Variants in MED13L observed in about 807,000 individuals in gnomAD.
The protein encoded by MED13L is mediator complex subunit 13L.
A neutral mutation model predicts 220.9 loss-of-function variants in MED13L; 7 were observed. The ratio of observed to expected loss-of-function variants is 0.03; its 90% CI spans 0.02 to 0.06. The LOEUF (loss-of-function observed/expected upper bound fraction) is 0.06, where lower values mean the gene tolerates loss of function less well. Among genes scored for constraint, MED13L ranks in the 10% least tolerant of loss-of-function variants. The pLI, the probability that MED13L is intolerant of heterozygous loss-of-function variation, is 1.00. For missense variants in MED13L, 1,965 were observed against 2,760.5 expected (o/e 0.71, Z 6.46); for synonymous variants, 1,011 against 1,015.2 (o/e 1.00, Z 0.08).
intron 4 of MED13L, among the ~76,000 whole-genome samples, chr12:116,075,298 A>G (rs1870693728): frequency 6.6e-6 from 1 of 152,156 alleles, no homozygotes; most frequent in South Asian, 2.1e-4. Flanking sequence ...TCCTTTAACT[A>G]AAATTAGGAG....
chr12:116,081,723 C>G (rs1593021500), intron 4 of MED13L, among the ~76,000 whole-genome samples: 1 of 152,174 alleles, frequency 6.6e-6, no homozygotes, highest in East Asian at 1.9e-4. Flanking sequence ...AAAAATTAGC[C>G]AGACATGGTG....
At chr12:116,157,017 A>G (rs1286685897) in intron 2 of MED13L, among the ~76,000 whole-genome samples, 1 of 152,154 alleles carries the variant, frequency 6.6e-6, no homozygotes, top group Non-Finnish European at 1.5e-5. Context: ...AGCGAGAGAG[A>G]AGGAGAGAAA....
intron 8 of MED13L, among the ~76,000 whole-genome samples, chr12:116,014,698 A>T (rs1441424534): frequency 6.6e-6 from 1 of 152,156 alleles, no homozygotes; most frequent in Non-Finnish European, 1.5e-5. Context: ...GTTAATTACA[A>T]CTAAGGCCTG....
At chr12:116,273,518 C>T (rs1873564131) in intron 1 of MED13L, among the ~76,000 whole-genome samples, 3 of 151,392 alleles carry the variant, frequency 2.0e-5, no homozygotes, top group African/African-American at 7.3e-5. Flanking sequence ...AGACTTTCTA[C>T]ATTTACAACT....
At chr12:116,023,414 G>A (rs1466432348) in intron 4 of MED13L, among the ~76,000 whole-genome samples, 1 of 152,086 alleles carries the variant, frequency 6.6e-6, no homozygotes. Context: ...CATCTCGTAA[G>A]AACATTTTCC....
intron 2 of MED13L, among the ~76,000 whole-genome samples, chr12:116,137,504 C>T (rs1301763922): frequency 2.6e-5 from 4 of 151,988 alleles, no homozygotes; most frequent in South Asian, 2.1e-4. Context: ...AAAGTATGGG[C>T]CTTTGGAAAC....
chr12:116,162,662 T>C (rs1176482469), intron 2 of MED13L, among the ~76,000 whole-genome samples: 1 of 152,228 alleles, frequency 6.6e-6, no homozygotes, highest in African/African-American at 2.4e-5. Flanking sequence ...ACAGTAACTA[T>C]AAAATTACTT....
chr12:116,141,946 C>T (rs952146841), intron 2 of MED13L, among the ~76,000 whole-genome samples: 7 of 152,104 alleles, frequency 4.6e-5, no homozygotes, highest in African/African-American at 1.7e-4. Flanking sequence ...TCCCCTTGCC[C>T]ACACCACTTG....
chr12:116,147,190 T>C (rs1449010682), intron 2 of MED13L, among the ~76,000 whole-genome samples: 2 of 152,220 alleles, frequency 1.3e-5, no homozygotes, highest in East Asian at 1.9e-4. Context: ...TATGAAAAGA[T>C]AGTCAAGCTT....
intron 2 of MED13L, among the ~76,000 whole-genome samples, chr12:116,188,045 T>A (rs1881011666): frequency 2.0e-5 from 3 of 152,108 alleles, no homozygotes; most frequent in Non-Finnish European, 2.9e-5. Context: ...GATTTATTTG[T>A]GGTTTTTCAG....
intron 2 of MED13L, among the ~76,000 whole-genome samples, chr12:116,133,898 T>C (rs2138015828): frequency 6.6e-6 from 1 of 152,178 alleles, no homozygotes; most frequent in African/African-American, 2.4e-5. Flanking sequence ...TCAGCTGACA[T>C]CTCAGCCAAA....
At chr12:116,231,919 C>T (rs911123156) in intron 2 of MED13L, 4 of 187,996 alleles carry the variant, frequency 2.1e-5, no homozygotes, top group African/African-American at 7.1e-5. Context: ...TTTTATCAAT[C>T]CCACCATTTG....
At chr12:115,986,085 A>C (rs574813625) in intron 19 of MED13L, among the ~76,000 whole-genome samples, 181 bp downstream of exon 19, 1 of 152,294 alleles carries the variant, frequency 6.6e-6, no homozygotes, top group South Asian at 2.1e-4. Flanking sequence ...AATATAAAGC[A>C]AAGATGGGAA....
intron 1 of MED13L, among the ~76,000 whole-genome samples, chr12:116,269,460 A>T (rs1033940139): frequency 5.1e-5 from 7 of 138,030 alleles, no homozygotes; most frequent in Admixed American, 2.3e-4. Flanking sequence ...ACAAATTTAA[A>T]CTATGCAAAA....
intron 2 of MED13L, among the ~76,000 whole-genome samples, chr12:116,200,221 T>C (rs1881923970): frequency 6.6e-6 from 1 of 152,174 alleles, no homozygotes; most frequent in Admixed American, 6.6e-5. Context: ...TGCCTTTTTT[T>C]TAATTATCGC....
chr12:116,075,943 T>G (rs1046677028), intron 4 of MED13L, among the ~76,000 whole-genome samples: 4 of 145,078 alleles, frequency 2.8e-5, no homozygotes, highest in Admixed American at 7.0e-5. Context: ...AGACGGAGTC[T>G]CGCTCTGTCG....
At chr12:115,969,199 T>C (rs911549535) in intron 27 of MED13L, 102 bp from the exon 28 acceptor site, 3 of 1,261,898 alleles carry the variant, frequency 2.4e-6, no homozygotes, top group Non-Finnish European at 2.3e-6. Context: ...TGTTGGCATA[T>C]GGCTATTATG....
chr12:116,173,002 T>A (rs1879792538), intron 2 of MED13L, among the ~76,000 whole-genome samples: 1 of 147,266 alleles, frequency 6.8e-6, no homozygotes, highest in Non-Finnish European at 1.5e-5. Context: ...GTCCAGGAGC[T>A]AAGATGTGTC....
At chr12:116,087,300 TAATAG>T (rs1255311051) in intron 4 of MED13L, among the ~76,000 whole-genome samples, 1 of 152,196 alleles carries the variant, frequency 6.6e-6, no homozygotes, top group Non-Finnish European at 1.5e-5. Flanking sequence ...ATTTCAAGCT[TAATAG>T]AATTTATGTA....
Sources: gnomAD v4.1 joint callset for allele counts (sites outside exome capture counted in the v4.1 genomes callset) on GRCh38, gnomAD v4.1.1 for gene constraint, MANE v1.5 for transcripts, NCBI Gene and HGNC (gene_info 2026-07-23, HGNC 2026-07-21) for gene names.